Variants in KIF15 observed in about 807,000 individuals in gnomAD.
KIF15 encodes the protein kinesin-like protein KIF15.
In KIF15, 140 loss-of-function variants were observed where a neutral mutation model predicts 190.6. That is an observed-to-expected ratio of 0.73 (90% confidence interval 0.64 to 0.84). The LOEUF is 0.84. Ranked by LOEUF, KIF15 falls within the 40% of genes least tolerant of loss-of-function variation. The pLI, the probability that KIF15 is intolerant of heterozygous loss-of-function variation, is 0.00. For synonymous variants in KIF15, 528 were observed against 551.3 expected (o/e 0.96, Z 0.59); for missense variants, 1,372 against 1,584.4 (o/e 0.87, Z 2.28).
chr3:44,845,730 AG>A (rs1698819828), intron 30 of KIF15, among the ~76,000 whole-genome samples: 3 of 152,140 alleles, frequency 2.0e-5, no homozygotes, highest in Admixed American at 6.5e-5. Flanking sequence ...AAATTCCTGC[AG>A]GTCCCACATG....
In KIF15 at chr3:44,813,067, T is replaced by TC. The variant is rs1707868019; in HGVS notation, c.2278-5dup. On this transcript the variant is annotated splice_polypyrimidine_tract_variant and splice_region_variant and intron_variant, in intron 18 of 34. Coordinates refer to ENST00000326047, the MANE Select transcript of KIF15 (RefSeq NM_020242.3). ...CCTTTTCCAGTAAATTTATCTTTTT[T>TC]CCCAAAGCTTTTCTCATCAGAAAGA... 1.9e-6 allele frequency: 3 copies of TC among 1,542,168 alleles called. No homozygotes were observed. Among genetic ancestry groups the TC allele is most frequent in the Non-Finnish European group, 2.6e-6 (3 of 1,136,926 alleles).
At chr3:44,835,811 T>C (rs1338399928) in intron 26 of KIF15, among the ~76,000 whole-genome samples, 2 of 152,166 alleles carry the variant, frequency 1.3e-5, no homozygotes, top group Non-Finnish European at 2.9e-5. Flanking sequence ...TCAATGTATA[T>C]GTTGGGAAAA....
chr3:44,866,297 C>G (rs1699322189), intron 6 of KIF15, among the ~76,000 whole-genome samples: 1 of 152,126 alleles, frequency 6.6e-6, no homozygotes. Context: ...TAGTCTCGAT[C>G]TCCTGACCTC....
At chr3:44,851,032 A>G (rs959079195) in intron 32 of KIF15, among the ~76,000 whole-genome samples, 1 of 152,142 alleles carries the variant, frequency 6.6e-6, no homozygotes, top group Non-Finnish European at 1.5e-5. Flanking sequence ...GAGACCAAGG[A>G]GAAGAGGATT....
intron 6 of KIF15, chr3:44,864,402 T>G: frequency 1.2e-6 from 2 of 1,605,096 alleles, no homozygotes; most frequent in Non-Finnish European, 1.7e-6. Context: ...GTGAGTTGTC[T>G]TTGGATAACC....
intron 20 of KIF15, among the ~76,000 whole-genome samples, chr3:44,818,267 T>G (rs892406883): frequency 4.6e-5 from 7 of 152,210 alleles, no homozygotes; most frequent in Admixed American, 3.9e-4. Flanking sequence ...TGGCCAGAAC[T>G]TCCAACACTA....
In KIF15 at chr3:44,801,873, T is replaced by C; in HGVS notation, c.1408T>C (p.Leu470=). 1 of 1,613,342 alleles carries C rather than the reference T, an allele frequency of 6.2e-7. No individual in the cohort carries two copies. Residue 470 remains leucine, a synonymous_variant, in exon 13 of 35, where the codon TTG becomes CTG. Transcript: ENST00000326047. ...ATTCCGAGAGGATCAAATAATACGC[T>C]TGGAAAAGCTCCACAAGGAATCCCG... is the stretch of plus-strand genomic sequence containing the variant. ...VKFREDQIIR[L]EKLHKESRGG...
chr3:44,761,801 C>T lies in KIF15; in HGVS notation c.-65C>T, dbSNP rs1466377132. Reference sequence around the variant, plus strand: ...CTTGAGCGGGCGGAATTCAGTCGCGCGCGGTGCAGTCGGGAGGTGGAGGCA... The same window carrying T: ...CTTGAGCGGGCGGAATTCAGTCGCGTGCGGTGCAGTCGGGAGGTGGAGGCA... On this transcript the variant is annotated 5_prime_UTR_variant, in exon 1 of 35. Coordinates refer to ENST00000326047, the MANE Select transcript of KIF15 (RefSeq NM_020242.3). The T allele has an allele frequency of 2.5e-6, 4 of 1,610,358 alleles. No homozygotes were observed. Among genetic ancestry groups the T allele is most frequent in the African/African-American group, 2.7e-5 (2 of 74,848 alleles).
intron 28 of KIF15, 84 bp from the exon 29 acceptor site, chr3:44,840,990 T>C (rs1009759314): frequency 7.7e-7 from 1 of 1,302,054 alleles, no homozygotes; most frequent in Admixed American, 2.1e-5. Flanking sequence ...AGAATATTTT[T>C]TATGTACTTG....
rs1470668101 is a variant in KIF15 at position 44,813,107 on chromosome 3, A to C, written c.2310A>C (p.Lys770Asn). The C allele has an allele frequency of 2.5e-6, 4 of 1,593,760 alleles. No individual in the cohort carries two copies. Among genetic ancestry groups the C allele is most frequent in the Middle Eastern group, 1.7e-4 (1 of 6,026 alleles). ...CATCAGAAAGAATTGATTGGACCAA[A>C]CAGCAGGAAGAGCTTCTCTCACAGT... ...LFSSERIDWT[K>N]QQEELLSQLN... Residue 770 changes from lysine (K) to asparagine (N), a missense_variant, in exon 19 of 35, where the codon AAA (lysine) becomes AAC (asparagine). Coordinates refer to ENST00000326047, the MANE Select transcript of KIF15 (RefSeq NM_020242.3).
chr3:44,777,998 G>T, intron 3 of KIF15, 117 bp from the exon 4 acceptor site: 4 of 767,732 alleles, frequency 5.2e-6, no homozygotes, highest in Admixed American at 3.8e-5. Context: ...CCTTTTTTCT[G>T]TAGTGGATGT....
At chr3:44,854,391 A>T (rs1350044002), downstream of KIF15, among the ~76,000 whole-genome samples, 1 of 151,928 alleles carries the variant, frequency 6.6e-6, no homozygotes, top group East Asian at 1.9e-4. Flanking sequence ...AAAAAAAGGG[A>T]ACTATACATT....
At chr3:44,864,900 G>T in intron 6 of KIF15, 1 of 1,067,748 alleles carries the variant, frequency 9.4e-7, no homozygotes, top group South Asian at 1.6e-5. Context: ...CTTGATGAAG[G>T]TGACAGCTAG....
intron 6 of KIF15, among the ~76,000 whole-genome samples, chr3:44,859,764 T>C (rs1434193286): frequency 6.6e-6 from 1 of 152,174 alleles, no homozygotes; most frequent in Non-Finnish European, 1.5e-5. Flanking sequence ...AGCTCAAGGC[T>C]GAAGTGAGCC....
intron 1 of KIF15, among the ~76,000 whole-genome samples, chr3:44,769,546 C>T (rs1024896317): frequency 4.6e-5 from 7 of 152,172 alleles, no homozygotes; most frequent in South Asian, 2.1e-4. Flanking sequence ...TCATTTATGT[C>T]GTGGATACTA....
intron 20 of KIF15, among the ~76,000 whole-genome samples, chr3:44,816,522 A>T (rs935875958): frequency 1.3e-5 from 2 of 151,780 alleles, no homozygotes; most frequent in Admixed American, 6.6e-5. Context: ...TAGTTTGCTG[A>T]GAATGATGGT....
At chr3:44,816,080 T>C (rs1708019566) in intron 20 of KIF15, among the ~76,000 whole-genome samples, 1 of 152,028 alleles carries the variant, frequency 6.6e-6, no homozygotes, top group Non-Finnish European at 1.5e-5. Context: ...ATGAAAAAAA[T>C]GCATAATTAT....
intron 33 of KIF15, 30 bp from the exon 34 acceptor site, chr3:44,852,177 AT>A: frequency 6.3e-7 from 1 of 1,587,472 alleles, no homozygotes; most frequent in African/African-American, 1.4e-5. Context: ...CCTACTTCTC[AT>A]TTTTCCCTCC....
At chr3:44,837,536 G>A (rs1306784036) in intron 26 of KIF15, among the ~76,000 whole-genome samples, 1 of 151,854 alleles carries the variant, frequency 6.6e-6, no homozygotes, top group African/African-American at 2.4e-5. Context: ...TTAAAAGTGT[G>A]TGTTTATATG....
Sources: gnomAD v4.1 joint callset for allele counts (sites outside exome capture counted in the v4.1 genomes callset) on GRCh38, gnomAD v4.1.1 for gene constraint, MANE v1.5 for transcripts, NCBI Gene and HGNC (gene_info 2026-07-23, HGNC 2026-07-21) for gene names.